The following NRXN3 variants were observed in gnomAD, a reference collection of about 807,000 sequenced individuals.
NRXN3 encodes neurexin 3, also known as neurexin III.
NRXN3 carries 32 observed loss-of-function variants against 137.6 expected under a neutral mutation model. That is an observed-to-expected ratio of 0.23 (90% CI 0.18 to 0.31). The LOEUF (loss-of-function observed/expected upper bound fraction) is 0.31. Among genes scored for constraint, NRXN3 ranks in the 10% least tolerant of loss-of-function variants. The probability of loss-of-function intolerance (pLI) is 1.00; values close to 1 mark genes in which losing one functional copy is unlikely to be tolerated. For synonymous variants in NRXN3, 798 were observed against 784.5 expected, an observed-to-expected ratio of 1.02 and a Z score of -0.29; for missense variants, 1,574 against 2,062.5, an observed-to-expected ratio of 0.76 and a Z score of 4.59.
intron 10 of NRXN3, among the ~76,000 whole-genome samples, chr14:78,825,727 A>G (rs2098964746): frequency 6.6e-6 from 1 of 152,230 alleles, no homozygotes; most frequent in African/African-American, 2.4e-5. Flanking sequence ...TTCATAGGAG[A>G]CAGGACAACA....
chr14:79,453,629 C>G (rs937080729), intron 15 of NRXN3, among the ~76,000 whole-genome samples: 3 of 152,206 alleles, frequency 2.0e-5, no homozygotes, highest in African/African-American at 7.2e-5. Context: ...GACTTAAAAT[C>G]ATGGTTGTTT....
intron 15 of NRXN3, among the ~76,000 whole-genome samples, chr14:79,263,360 A>T (rs2077933216): frequency 6.6e-6 from 1 of 152,040 alleles, no homozygotes; most frequent in East Asian, 1.9e-4. Flanking sequence ...TTTGAAAAAC[A>T]GGAAGACATC....
At chr14:79,010,693 A>T (rs917712154) in intron 15 of NRXN3, among the ~76,000 whole-genome samples, 5 of 152,172 alleles carry the variant, frequency 3.3e-5, no homozygotes, top group Non-Finnish European at 7.3e-5. Flanking sequence ...GGTTGTTTAT[A>T]TTCTGTGGTT....
At chr14:78,336,877 G>T (rs1287138795) in intron 4 of NRXN3, among the ~76,000 whole-genome samples, 1 of 152,120 alleles carries the variant, frequency 6.6e-6, no homozygotes, top group African/African-American at 2.4e-5. Flanking sequence ...ATGACTTTCT[G>T]CTAGGCTCTA....
At chr14:78,488,952 T>C (rs566214414) in intron 4 of NRXN3, among the ~76,000 whole-genome samples, 20 of 152,136 alleles carry the variant, frequency 1.3e-4, no homozygotes, top group South Asian at 4.2e-4. Context: ...GCACTTACCA[T>C]GGATTGAAAA....
chr14:78,774,933 G>A (rs960134353), intron 8 of NRXN3, among the ~76,000 whole-genome samples: 2 of 151,650 alleles, frequency 1.3e-5, no homozygotes, highest in Non-Finnish European at 2.9e-5. Context: ...TAAAAAAAAA[G>A]AATAAAAAAT....
At chr14:78,614,796 C>T in intron 4 of NRXN3, 1 of 343,200 alleles carries the variant, frequency 2.9e-6, no homozygotes, top group Non-Finnish European at 5.8e-6. Flanking sequence ...GCCCAAGGCA[C>T]TCCCTACAGC....
At chr14:79,838,157 TAAAAGTC>T (rs1309523507) in intron 20 of NRXN3, among the ~76,000 whole-genome samples, 1 of 152,170 alleles carries the variant, frequency 6.6e-6, no homozygotes, top group Non-Finnish European at 1.5e-5. Context: ...AGACAATACT[TAAAAGTC>T]ATAAAGTACT....
intron 4 of NRXN3, among the ~76,000 whole-genome samples, chr14:78,577,561 G>T (rs183272020): frequency 6.6e-6 from 1 of 152,200 alleles, no homozygotes; most frequent in East Asian, 1.9e-4. Context: ...CACCTCCCAG[G>T]TTCAAGCGAT....
intron 4 of NRXN3, among the ~76,000 whole-genome samples, chr14:78,532,497 C>A (rs2096481844): frequency 6.7e-6 from 1 of 150,134 alleles, no homozygotes; most frequent in South Asian, 2.1e-4. Context: ...TTAGAGATGA[C>A]TTCTCTCATT....
chr14:79,770,079 C>T (rs1312500600), intron 19 of NRXN3, among the ~76,000 whole-genome samples: 3 of 151,542 alleles, frequency 2.0e-5, no homozygotes, highest in African/African-American at 2.4e-5. Context: ...GCTAACTATC[C>T]TAAATATATA....
chr14:79,622,007 TAGAGGCACTGTATGCAGATTG>T (rs1208240096), intron 16 of NRXN3, among the ~76,000 whole-genome samples: 1 of 152,172 alleles, frequency 6.6e-6, no homozygotes, highest in Non-Finnish European at 1.5e-5. Context: ...TCAACAACTT[TAGAGGCACTGTATGCAGATTG>T]AGAGGCACTG....
chr14:78,858,065 C>T (rs2099062351), intron 10 of NRXN3, among the ~76,000 whole-genome samples: 2 of 152,102 alleles, frequency 1.3e-5, no homozygotes. Context: ...TGAAAATAAA[C>T]CAGAAAACTA....
At chr14:79,623,156 T>C (rs2098243101) in intron 16 of NRXN3, among the ~76,000 whole-genome samples, 1 of 152,184 alleles carries the variant, frequency 6.6e-6, no homozygotes, top group Non-Finnish European at 1.5e-5. Flanking sequence ...GCATCCACTC[T>C]TCCCTAAGGA....
intron 1 of NRXN3, among the ~76,000 whole-genome samples, chr14:78,228,370 G>C (rs974150357): frequency 3.3e-5 from 5 of 151,990 alleles, no homozygotes; most frequent in African/African-American, 1.2e-4. Flanking sequence ...TTAGCAGGGG[G>C]ATCTCGAACT....
chr14:79,839,822 C>T (rs2099352099), intron 20 of NRXN3, among the ~76,000 whole-genome samples: 1 of 152,202 alleles, frequency 6.6e-6, no homozygotes. Flanking sequence ...TTCAGACCAA[C>T]TGAAGCTTTC....
intron 4 of NRXN3, among the ~76,000 whole-genome samples, chr14:78,443,428 C>T (rs1342104925): frequency 1.3e-5 from 2 of 152,160 alleles, no homozygotes; most frequent in Admixed American, 6.5e-5. Context: ...AAATCTGCCA[C>T]CTGATCATCT....
intron 8 of NRXN3, among the ~76,000 whole-genome samples, chr14:78,731,631 C>CTGTG (rs532280358): frequency 6.7e-4 from 98 of 146,922 alleles, no homozygotes; most frequent in African/African-American, 1.8e-3. Flanking sequence ...GTGTGTGTCT[C>CTGTG]TGTGTGTGTG....
intron 10 of NRXN3, among the ~76,000 whole-genome samples, chr14:78,834,388 G>T (rs931124286): frequency 2.0e-5 from 3 of 152,050 alleles, no homozygotes; most frequent in African/African-American, 7.3e-5. Context: ...CTGAATACTG[G>T]TCTATTTTAC....
Sources: gnomAD v4.1 joint callset for allele counts (sites outside exome capture counted in the v4.1 genomes callset) on GRCh38, gnomAD v4.1.1 for gene constraint, MANE v1.5 for transcripts, NCBI Gene and HGNC (gene_info 2026-07-23, HGNC 2026-07-21) for gene names.